KNTC1: variants seen among roughly 807,000 people sequenced by gnomAD.
KNTC1 encodes kinetochore associated 1, also known as kinetochore-associated protein 1.
KNTC1 carries 253 observed loss-of-function variants against 314.4 expected under a neutral mutation model. The observed-to-expected ratio is 0.80, with a 90% CI of 0.73 to 0.89. KNTC1 has a LOEUF of 0.89. KNTC1 is among the 40% of genes least tolerant of loss of function. KNTC1 has a pLI of 0.00. For missense variants in KNTC1, 2,475 were observed against 2,572.9 expected (o/e 0.96, Z 0.82); for synonymous variants, 901 against 901.4 (o/e 1.00, Z 0.01).
chr12:122,609,105 CAGG>C (rs1872840447), intron 51 of KNTC1: 1 of 369,610 alleles, frequency 2.7e-6, no homozygotes, highest in East Asian at 5.4e-5. Context: ...ATGTCAGCTC[CAGG>C]AGGACAGGAA....
At chr12:122,612,709 T>C (rs1229465841) in intron 53 of KNTC1, among the ~76,000 whole-genome samples, 1 of 152,198 alleles carries the variant, frequency 6.6e-6, no homozygotes, top group East Asian at 1.9e-4. Flanking sequence ...TGAGCCACTG[T>C]GCCCGGCCAC....
chr12:122,569,509 C>T (rs1357379714), intron 21 of KNTC1, among the ~76,000 whole-genome samples, 172 bp from the exon 22 acceptor site: 1 of 152,190 alleles, frequency 6.6e-6, no homozygotes, highest in Non-Finnish European at 1.5e-5. Context: ...ACATTGCATA[C>T]AGTATGCAGC....
At chr12:122,565,330 G>A (rs987347985) in intron 20 of KNTC1, among the ~76,000 whole-genome samples, 2 of 149,460 alleles carry the variant, frequency 1.3e-5, no homozygotes, top group Admixed American at 6.7e-5. Flanking sequence ...ATGTTGCCCA[G>A]GCTAGTCTCA....
intron 20 of KNTC1, among the ~76,000 whole-genome samples, chr12:122,566,926 G>A (rs1444381094): frequency 6.6e-6 from 1 of 151,416 alleles, no homozygotes; most frequent in South Asian, 2.1e-4. Flanking sequence ...TGTAGAGCCT[G>A]GGTTTCACCA....
intron 27 of KNTC1, 101 bp from the exon 28 acceptor site, chr12:122,575,442 C>T (rs1395317973): frequency 1.4e-6 from 1 of 732,368 alleles, no homozygotes; most frequent in African/African-American, 1.7e-5. Flanking sequence ...TCTCAAACTA[C>T]CATGTGGTTG....
intron 16 of KNTC1, among the ~76,000 whole-genome samples, chr12:122,553,306 G>A (rs1294728047): frequency 6.6e-6 from 1 of 152,144 alleles, no homozygotes; most frequent in Non-Finnish European, 1.5e-5. Flanking sequence ...CTGAAATGAG[G>A]AATATGTGTG....
At chr12:122,585,611 C>CT in intron 36 of KNTC1, 25 bp from the exon 37 acceptor site, 1 of 1,612,804 alleles carries the variant, frequency 6.2e-7, no homozygotes. Flanking sequence ...TGAGTTCTCT[C>CT]TTTTTTGTAT....
intron 19 of KNTC1, 75 bp downstream of exon 19, chr12:122,562,049 C>G: frequency 7.1e-7 from 1 of 1,410,496 alleles, no homozygotes; most frequent in Non-Finnish European, 9.7e-7. Context: ...CAAAATAGAC[C>G]CGTATTTTAT....
intron 21 of KNTC1, among the ~76,000 whole-genome samples, chr12:122,568,614 A>G (rs572945068): frequency 6.6e-6 from 1 of 152,358 alleles, no homozygotes; most frequent in East Asian, 1.9e-4. Flanking sequence ...AGGCGGGCTG[A>G]TCACTGGAGG....
At chr12:122,595,601 G>A (rs543133534) in intron 43 of KNTC1, among the ~76,000 whole-genome samples, 2 of 152,312 alleles carry the variant, frequency 1.3e-5, no homozygotes, top group East Asian at 1.9e-4. Flanking sequence ...TCTAGTACCT[G>A]TAAGTCAAGG....
intron 40 of KNTC1, 74 bp from the exon 41 acceptor site, chr12:122,590,533 C>T: frequency 1.4e-5 from 19 of 1,335,240 alleles, no homozygotes; most frequent in East Asian, 5.2e-5. Context: ...ATTTGTATTT[C>T]TGCCCTTTGT....
At chr12:122,548,726 G>A (rs1475662627) in intron 12 of KNTC1, among the ~76,000 whole-genome samples, 3 of 152,050 alleles carry the variant, frequency 2.0e-5, no homozygotes, top group Non-Finnish European at 4.4e-5. Context: ...CTAGCGCTTT[G>A]GGAGGCCAAG....
chr12:122,530,192 G>A lies in KNTC1; in HGVS notation c.129G>A (p.Lys43=). 1 of 1,612,366 alleles carries A rather than the reference G, an allele frequency of 6.2e-7. No individual in the cohort carries two copies. Among genetic ancestry groups the A allele is most frequent in the Non-Finnish European group, 8.5e-7 (1 of 1,179,040 alleles). ...TGCTAGTGAAGATCTCTTCTGAAAA[G>A]GTAGTGATTATTACACTGACTGTTT... ...VDLLVKISSE[K]ASLNPKIQAC... is the part of the protein sequence containing the mutation. The change falls in exon 2 of 64, where the codon AAG becomes AAA. Residue 43 remains lysine, a splice_region_variant and synonymous_variant. Transcript: ENST00000333479.
chr12:122,542,633 C>T (rs1000628401), intron 6 of KNTC1, among the ~76,000 whole-genome samples: 1 of 152,058 alleles, frequency 6.6e-6, no homozygotes, highest in Non-Finnish European at 1.5e-5. Context: ...GACAGGGTGG[C>T]AGGCGCCTGT....
chr12:122,558,436 C>G (rs987384242), intron 18 of KNTC1, among the ~76,000 whole-genome samples: 2 of 151,758 alleles, frequency 1.3e-5, no homozygotes, highest in Non-Finnish European at 2.9e-5. Context: ...CCTGTAGTCT[C>G]AACTGCTTGG....
At chr12:122,543,694 G>A (rs1962527343) in intron 7 of KNTC1, 60 bp downstream of exon 7, 3 of 1,012,600 alleles carry the variant, frequency 3.0e-6, no homozygotes, top group South Asian at 1.6e-5. Flanking sequence ...TAATGTAGTA[G>A]AATGTTTCTG....
intron 44 of KNTC1, among the ~76,000 whole-genome samples, chr12:122,598,197 A>C (rs1566002255): frequency 6.6e-6 from 1 of 152,130 alleles, no homozygotes; most frequent in South Asian, 2.1e-4. Context: ...GAAATGTATA[A>C]ATCAAAACAA....
At chr12:122,529,375 C>T (rs1434648562) in intron 1 of KNTC1, among the ~76,000 whole-genome samples, 1 of 152,008 alleles carries the variant, frequency 6.6e-6, no homozygotes, top group African/African-American at 2.4e-5. Flanking sequence ...TTGTTTTTAT[C>T]CTTAGTGTTC....
intron 31 of KNTC1, among the ~76,000 whole-genome samples, chr12:122,578,406 A>G (rs1965172935): frequency 6.6e-6 from 1 of 151,000 alleles, no homozygotes; most frequent in Non-Finnish European, 1.5e-5. Context: ...CATGCTCAAT[A>G]GTTGGGTTTT....
Sources: gnomAD v4.1 joint callset for allele counts (sites outside exome capture counted in the v4.1 genomes callset) on GRCh38, gnomAD v4.1.1 for gene constraint, MANE v1.5 for transcripts, NCBI Gene and HGNC (gene_info 2026-07-23, HGNC 2026-07-21) for gene names.